The following PLA2G4D variants were observed in gnomAD, a reference collection of about 807,000 sequenced individuals.
PLA2G4D encodes the protein cytosolic phospholipase A2 delta.
A neutral mutation model predicts 94.4 loss-of-function variants in PLA2G4D; 80 were observed. The ratio of observed to expected loss-of-function variants is 0.85; its 90% CI spans 0.71 to 1.02. The LOEUF is 1.02. Among genes scored for constraint, PLA2G4D ranks in the 50% least tolerant of loss-of-function variants. The pLI, the probability that PLA2G4D is intolerant of heterozygous loss-of-function variation, is 0.00. For missense variants in PLA2G4D, 1,050 were observed against 1,034.7 expected, an observed-to-expected ratio of 1.01 and a Z score of -0.20; for synonymous variants, 438 against 440.9, an observed-to-expected ratio of 0.99 and a Z score of 0.08.
intron 19 of PLA2G4D, 38 bp from the exon 20 acceptor site, chr15:42,068,979 C>T (rs753233499): frequency 3.0e-5 from 47 of 1,567,910 alleles, no homozygotes; most frequent in Admixed American, 1.1e-4. Flanking sequence ...AGCAGGACGC[C>T]GGGGCTTCTA....
intron 19 of PLA2G4D, among the ~76,000 whole-genome samples, chr15:42,069,161 G>A (rs748209515): frequency 1.1e-4 from 16 of 152,284 alleles, no homozygotes; most frequent in Admixed American, 9.1e-4. Context: ...GCCTTGTGGC[G>A]TGACACCCCT....
intron 1 of PLA2G4D, among the ~76,000 whole-genome samples, chr15:42,088,171 T>C (rs1890187812): frequency 6.6e-6 from 1 of 151,900 alleles, no homozygotes; most frequent in Non-Finnish European, 1.5e-5. Context: ...TAAGGGAGGG[T>C]GAGCCTCAGC....
chr15:42,083,309 C>G lies in PLA2G4D; in HGVS notation c.561G>C (p.Leu187=), dbSNP rs556646644. 119 of 1,613,818 alleles carry G rather than the reference C, an allele frequency of 7.4e-5. 1 individual carries two copies. The South Asian group carries it at 8.6e-4, about 12-fold the overall frequency. Residue 187 remains leucine, a synonymous_variant, in exon 8 of 20, where the codon CTG becomes CTC. Transcript: ENST00000290472. ...VADQDKLELE[L]VLKGSYEDTQ... is the part of the protein sequence containing the mutation. ...TGTCCTCATAGGACCCCTTCAGCAC[C>G]AGCTCCAGCTCCAGCTTGTCCTGAT...
chr15:42,077,889 C>T (rs1889960167), intron 13 of PLA2G4D, among the ~76,000 whole-genome samples: 1 of 152,204 alleles, frequency 6.6e-6, no homozygotes, highest in African/African-American at 2.4e-5. Context: ...GGAGGCAGGG[C>T]TTGACTCGAA....
Position 42,081,822 on chromosome 15 carries a change from T to C in PLA2G4D, c.796A>G (p.Arg266Gly), listed in dbSNP as rs1426673099. The C allele has an allele frequency of 6.2e-6, 10 of 1,613,832 alleles. No individual in the cohort carries two copies. The highest frequency in any genetic ancestry group is 8.5e-6 in the Non-Finnish European group (10 of 1,179,950). ...DVPAPNAPGV[R>G]LQLKAEGCPE... ...CAGCCCTCTGCCTTGAGCTGCAGCCTCACTCCTGGGGCCTGAAATCAAAGC... is the reference window on the plus strand; with the variant it reads ...CAGCCCTCTGCCTTGAGCTGCAGCCCCACTCCTGGGGCCTGAAATCAAAGC... Residue 266 changes from arginine to glycine, a missense_variant, in exon 10 of 20, where the codon AGG becomes GGG. Coordinates refer to ENST00000290472, the MANE Select transcript of PLA2G4D (RefSeq NM_178034.4).
intron 1 of PLA2G4D, among the ~76,000 whole-genome samples, chr15:42,087,994 G>A (rs1021852257): frequency 3.3e-5 from 5 of 152,244 alleles, no homozygotes; most frequent in Non-Finnish European, 7.3e-5. Context: ...ACAGAGCAAG[G>A]AAGTGAGGGC....
intron 19 of PLA2G4D, among the ~76,000 whole-genome samples, chr15:42,069,154 T>C (rs1369601093): frequency 6.6e-6 from 1 of 152,206 alleles, no homozygotes; most frequent in African/African-American, 2.4e-5. Context: ...TTTCATTGCC[T>C]TGTGGCGTGA....
intron 1 of PLA2G4D, 26 bp from the exon 2 acceptor site, chr15:42,087,726 T>C (rs1297097423): frequency 6.2e-7 from 1 of 1,610,274 alleles, no homozygotes. Flanking sequence ...AACTCCAGAG[T>C]CCTTCCTGCA....
Position 42,079,674 on chromosome 15 carries a change from T to C in PLA2G4D, c.1180A>G (p.Lys394Glu). ...PIRYAREHLA[K>E]SKLEVFSPER... ...GGGGAAAAGACCTCCAGCTTGCTCT[T>C]GGCCAGGTGCTCCCGGGCGTATCTG... Residue 394 changes from lysine (K) to glutamate (E), a missense_variant, in exon 13 of 20, where the codon AAG becomes GAG. Coordinates refer to ENST00000290472, the MANE Select transcript of PLA2G4D (RefSeq NM_178034.4). 1 of 1,613,098 alleles carries C rather than the reference T, an allele frequency of 6.2e-7. No homozygotes were observed. The highest frequency in any genetic ancestry group is 8.5e-7 in the Non-Finnish European group (1 of 1,179,600).
Position 42,081,459 on chromosome 15 carries a change from A to T in PLA2G4D, c.957+20T>A, listed in dbSNP as rs1479459288. ...GCCCGTCCAGGATATCTGCACACAC[A>T]TCCCTCTGCACCCCCAGACCTCATC... On this transcript the variant is annotated intron_variant, in intron 11 of 19. Transcript: ENST00000290472. The T allele has an allele frequency of 6.2e-7, 1 of 1,609,974 alleles. No homozygotes were observed. Among genetic ancestry groups the T allele is most frequent in the South Asian group, 1.1e-5 (1 of 90,270 alleles).
chr15:42,086,363 G>A lies in PLA2G4D; in HGVS notation c.256-19C>T, dbSNP rs200163143. On this transcript the variant is annotated intron_variant, in intron 3 of 19. Coordinates refer to ENST00000290472, the MANE Select transcript of PLA2G4D (RefSeq NM_178034.4). ...GAACATTCTAGGAACCAGGAACAGC[G>A]ACTTAGCATTTTACCTGCTCATAGT... The A allele has an allele frequency of 5.4e-5, 87 of 1,611,792 alleles. No homozygotes were observed. The highest frequency in any genetic ancestry group is 3.1e-4 in the African/African-American group (23 of 74,872).
intron 10 of PLA2G4D, 56 bp from the exon 11 acceptor site, chr15:42,081,670 C>T: frequency 1.9e-6 from 3 of 1,610,126 alleles, no homozygotes; most frequent in Non-Finnish European, 1.7e-6. Flanking sequence ...CAGCCACTGG[C>T]TGGCCAAGCC....
At chr15:42,073,034 A>T (rs1475680022) in intron 13 of PLA2G4D, among the ~76,000 whole-genome samples, 1 of 151,934 alleles carries the variant, frequency 6.6e-6, no homozygotes, top group Non-Finnish European at 1.5e-5. Context: ...ACAGGGTCTC[A>T]CTCTGTCACC....
chr15:42,084,962 G>A lies in PLA2G4D; in HGVS notation c.471+134C>T. The A allele has an allele frequency of 3.0e-6, 3 of 990,478 alleles. No homozygotes were observed. In the Admixed American group the frequency reaches 6.6e-5, roughly 22 times the overall value. 61.4% of individuals were successfully genotyped at this position (990,478 alleles called of 1,614,324 possible). Reference sequence around the variant, plus strand: ...CACAGCCACAGGTGACCACCTGGCTGGAAGGCTAGGGGTGGTTTTACCACG... The same window carrying A: ...CACAGCCACAGGTGACCACCTGGCTAGAAGGCTAGGGGTGGTTTTACCACG... On this transcript the variant is annotated intron_variant, in intron 6 of 19. Transcript: ENST00000290472. This position sits in a 1 kb window ranked among gnomAD's most constrained non-coding sequence, Gnocchi z 4.8.
intron 13 of PLA2G4D, among the ~76,000 whole-genome samples, chr15:42,075,831 G>A (rs1467785504): frequency 1.3e-5 from 2 of 149,876 alleles, no homozygotes; most frequent in African/African-American, 4.9e-5. Context: ...AGGTTGCAGT[G>A]AGCCGATATT....
intron 5 of PLA2G4D, 101 bp downstream of exon 5, chr15:42,085,390 G>A: frequency 7.3e-7 from 1 of 1,361,222 alleles, no homozygotes. Context: ...TAGGAGATGA[G>A]GGACAGTCAG....
At chr15:42,069,704 A>G (rs1566859218) in intron 19 of PLA2G4D, among the ~76,000 whole-genome samples, 3 of 152,078 alleles carry the variant, frequency 2.0e-5, no homozygotes, top group Non-Finnish European at 4.4e-5. Context: ...CTGCATAGCG[A>G]CCCTGCAAAC....
At chr15:42,086,400 A>G in intron 3 of PLA2G4D, 56 bp from the exon 4 acceptor site, 1 of 1,577,052 alleles carries the variant, frequency 6.3e-7, no homozygotes, top group Non-Finnish European at 8.7e-7. Context: ...AGAGTAGCTC[A>G]CCTCTGTTGA....
At position 42,067,493 on chromosome 15, in the gene PLA2G4D, T is replaced by C. The variant is rs938866625; in HGVS notation, c.*1222A>G. 11 of 150,702 alleles carry C rather than the reference T, an allele frequency of 7.3e-5. No homozygotes were observed. The highest frequency in any genetic ancestry group is 2.4e-4 in the African/African-American group (10 of 40,872). The allele number at this position is 150,702 out of a possible 1,614,324, so 9.3% of individuals were successfully genotyped here. A position where few individuals can be genotyped will look rare whatever the true frequency, so the allele number is the denominator to read the frequency against. The stretch of plus-strand genomic sequence containing the variant: ...GAAGTTGAGGATGCAGTGAGCCAGA[T>C]TGCACCATTGAACTTGGCCTGGGTG... On this transcript the variant is annotated 3_prime_UTR_variant, in exon 20 of 20. Coordinates refer to ENST00000290472, the MANE Select transcript of PLA2G4D (RefSeq NM_178034.4).
Sources: gnomAD v4.1 joint callset for allele counts (sites outside exome capture counted in the v4.1 genomes callset) on GRCh38, gnomAD v4.1.1 for gene constraint, Gnocchi (gnomAD v3.1) non-coding constraint, MANE v1.5 for transcripts, NCBI Gene and HGNC (gene_info 2026-07-23, HGNC 2026-07-21) for gene names.